The following GRIK1 variants were observed in gnomAD, a reference collection of about 807,000 sequenced individuals.
GRIK1 encodes glutamate ionotropic receptor kainate type subunit 1.
Under a neutral mutation model 105.7 loss-of-function variants are expected in GRIK1, and 69 were observed. The ratio of observed to expected loss-of-function variants is 0.65; its 90% CI spans 0.54 to 0.80. The LOEUF (loss-of-function observed/expected upper bound fraction) is 0.80. Among genes scored for constraint, GRIK1 ranks in the 30% least tolerant of loss-of-function variants. The pLI, the probability that GRIK1 is intolerant of heterozygous loss-of-function variation, is 0.00. For missense variants in GRIK1, 1,109 were observed against 1,167.3 expected (o/e 0.95, Z 0.73); for synonymous variants, 438 against 431.3 (o/e 1.02, Z -0.19).
At position 29,581,530 on chromosome 21, in the gene GRIK1, C is replaced by T. The variant is rs759536753; in HGVS notation, c.1807G>A (p.Glu603Lys). ...LFVIARFTPY[E>K]WYNPHPCNPD... is the part of the protein sequence containing the mutation. ...TTGCATGGGTGGGGGTTATACCACTCGTAGGGTGTAAACCTGTGGTAGTTA... is the reference window on the plus strand; with the variant it reads ...TTGCATGGGTGGGGGTTATACCACTTGTAGGGTGTAAACCTGTGGTAGTTA... The change falls in exon 13 of 18, where the codon GAG becomes AAG. Residue 603 changes from glutamate to lysine, a missense_variant. Coordinates refer to ENST00000327783, the MANE Select transcript of GRIK1 (RefSeq NM_001330994.2). 1.3e-5 allele frequency: 20 copies of T among 1,593,524 alleles called. No individual in the cohort carries two copies. The highest frequency in any genetic ancestry group is 9.4e-5 in the African/African-American group (7 of 74,508).
At position 29,673,156 on chromosome 21, in the gene GRIK1, G is replaced by T. The variant is rs546213634; in HGVS notation, c.553C>A (p.Arg185Ser). The change falls in exon 4 of 18, where the codon CGT (arginine) becomes AGT (serine). Residue 185 changes from arginine to serine, a missense_variant. Arg to Ser is a moderately radical substitution (Grantham distance 110). Around this residue, in one of 5 missense-constraint regions of GRIK1, gnomAD observed 612 missense variants for 586.0 expected, o/e 1.04. Coordinates refer to ENST00000327783, the MANE Select transcript of GRIK1 (RefSeq NM_001330994.2). Reference sequence around the variant, plus strand: ...GGAGCTTTGATGAGCTCTTGTAGACGAATTAGACCTAGAAAATGACATGCA... The same window carrying T: ...GGAGCTTTGATGAGCTCTTGTAGACTAATTAGACCTAGAAAATGACATGCA... ...VVYEDSTGLIRLQELIKAPSR... is the reference protein window; with the variant it reads ...VVYEDSTGLISLQELIKAPSR... 8.1e-6 allele frequency: 13 copies of T among 1,603,390 alleles called. No individual in the cohort carries two copies. Among genetic ancestry groups the T allele is most frequent in the African/African-American group, 2.7e-5 (2 of 74,608 alleles).
At chr21:29,848,779 A>ATATATATATATAT in intron 1 of GRIK1, among the ~76,000 whole-genome samples, 5 of 77,866 alleles carry the variant, frequency 6.4e-5, no homozygotes, top group Admixed American at 1.7e-4. Flanking sequence ...ATATATATAT[A>ATATATATATATAT]TTTTTTTTTT....
At chr21:29,800,831 C>A in intron 1 of GRIK1, among the ~76,000 whole-genome samples, 1 of 152,208 alleles carries the variant, frequency 6.6e-6, no homozygotes, top group East Asian at 1.9e-4. Flanking sequence ...TGTATGTAGA[C>A]AAGTCGGAGG....
intron 1 of GRIK1, among the ~76,000 whole-genome samples, chr21:29,895,561 C>A (rs1226183410): frequency 1.3e-5 from 2 of 152,160 alleles, no homozygotes; most frequent in African/African-American, 4.8e-5. Context: ...CCATGTCTCT[C>A]GAAAAGATCC....
intron 7 of GRIK1, among the ~76,000 whole-genome samples, chr21:29,629,654 T>C (rs1382645708): frequency 6.6e-6 from 1 of 152,092 alleles, no homozygotes; most frequent in Non-Finnish European, 1.5e-5. Flanking sequence ...CACGCCCGGC[T>C]AATTTTTTGT....
chr21:29,856,646 G>A (rs1342024296), intron 1 of GRIK1, among the ~76,000 whole-genome samples: 1 of 152,174 alleles, frequency 6.6e-6, no homozygotes, highest in Admixed American at 6.5e-5. Context: ...TACAGTTCTT[G>A]CTCTTCTGGG....
intron 1 of GRIK1, among the ~76,000 whole-genome samples, chr21:29,744,562 G>GTT (rs79652093): frequency 4.1e-4 from 57 of 140,314 alleles, no homozygotes; most frequent in East Asian, 1.2e-3. Flanking sequence ...TCTCAGCTAG[G>GTT]TTTTTTTTTT....
chr21:29,627,380 G>C (rs1387903112), intron 7 of GRIK1, among the ~76,000 whole-genome samples: 3 of 152,198 alleles, frequency 2.0e-5, no homozygotes, highest in Non-Finnish European at 4.4e-5. Flanking sequence ...AGTCATGAGA[G>C]AAAAGTAGAG....
At chr21:29,614,555 G>A (rs2061803106) in intron 7 of GRIK1, among the ~76,000 whole-genome samples, 1 of 150,146 alleles carries the variant, frequency 6.7e-6, no homozygotes, top group African/African-American at 2.5e-5. Flanking sequence ...CTGGGGTTAC[G>A]GGCATGCAAC....
At chr21:29,763,484 A>G (rs1402273806) in intron 1 of GRIK1, 1 of 152,406 alleles carries the variant, frequency 6.6e-6, no homozygotes, top group Non-Finnish European at 1.5e-5. Context: ...TGGTGGTCAA[A>G]TTATTTGAGG....
chr21:29,776,260 A>G, intron 1 of GRIK1, among the ~76,000 whole-genome samples: 1 of 152,234 alleles, frequency 6.6e-6, no homozygotes, highest in East Asian at 1.9e-4. Context: ...AACCATATCA[A>G]TGATTTACCT....
At chr21:29,729,413 A>G (rs2064554201) in intron 1 of GRIK1, among the ~76,000 whole-genome samples, 1 of 152,126 alleles carries the variant, frequency 6.6e-6, no homozygotes, top group African/African-American at 2.4e-5. Flanking sequence ...AGGGCCTTTC[A>G]TTTAGGAAGG....
intron 1 of GRIK1, among the ~76,000 whole-genome samples, chr21:29,775,526 G>T (rs1159926241): frequency 6.6e-6 from 1 of 152,090 alleles, no homozygotes; most frequent in Non-Finnish European, 1.5e-5. Flanking sequence ...GTCCAGGGAG[G>T]CTCACCTTGC....
At chr21:29,901,718 A>T (rs1009926376) in intron 1 of GRIK1, among the ~76,000 whole-genome samples, 1 of 152,230 alleles carries the variant, frequency 6.6e-6, no homozygotes, top group Non-Finnish European at 1.5e-5. Flanking sequence ...CCAGAAGTTC[A>T]AAGAGGAGCT....
intron 1 of GRIK1, among the ~76,000 whole-genome samples, chr21:29,768,875 T>C (rs1458109085): frequency 1.3e-5 from 2 of 152,232 alleles, no homozygotes; most frequent in Non-Finnish European, 2.9e-5. Flanking sequence ...TCAAGTCAAA[T>C]ATAACTTTCC....
intron 7 of GRIK1, chr21:29,630,589 C>T (rs908019884): frequency 2.1e-5 from 10 of 471,528 alleles, no homozygotes; most frequent in South Asian, 3.1e-5. Context: ...CCAACAACTA[C>T]GTGAGCTTGG....
intron 14 of GRIK1, among the ~76,000 whole-genome samples, chr21:29,576,561 A>T (rs1211567561): frequency 1.3e-5 from 2 of 152,196 alleles, no homozygotes; most frequent in Non-Finnish European, 2.9e-5. Context: ...CAAAATAATG[A>T]TATTCAAGTA....
chr21:29,922,289 G>A (rs757687316), intron 1 of GRIK1, among the ~76,000 whole-genome samples: 21 of 152,076 alleles, frequency 1.4e-4, no homozygotes, highest in Non-Finnish European at 2.8e-4. Flanking sequence ...GAATTTTTAA[G>A]TAAATCAATA....
At chr21:29,817,525 T>C (rs1406379378) in intron 1 of GRIK1, among the ~76,000 whole-genome samples, 1 of 152,150 alleles carries the variant, frequency 6.6e-6, no homozygotes, top group Non-Finnish European at 1.5e-5. Flanking sequence ...ATGTGACTTT[T>C]TGATCAATGG....
Sources: allele counts gnomAD v4.1 joint callset (sites outside exome capture counted in the v4.1 genomes callset), GRCh38; gene constraint gnomAD v4.1.1; regional missense constraint gnomAD v4.1.1; transcripts MANE v1.5; gene names NCBI Gene and HGNC (gene_info 2026-07-23, HGNC 2026-07-21).